Variants in HERC3 observed in about 807,000 individuals in gnomAD.
HERC3 encodes the protein HECT and RLD domain containing E3 ubiquitin protein ligase 3, also known as probable E3 ubiquitin-protein ligase HERC3.
A neutral mutation model predicts 129.9 loss-of-function variants in HERC3; 58 were observed. The observed-to-expected ratio is 0.45, with a 90% CI of 0.36 to 0.56. The LOEUF is 0.56. HERC3 is among the 20% of genes least tolerant of loss of function. The pLI is 0.00. For missense variants in HERC3, 835 were observed against 1,244.2 expected (o/e 0.67, Z 4.95); for synonymous variants, 430 against 451.0 (o/e 0.95, Z 0.59).
rs751290394 is a variant in HERC3 at position 88,655,956 on chromosome 4, G to C, written c.990G>C (p.Gly330=). ...GAGCAAGAGGTCAATTAGGAACTGG[G>C]CACACTTGTAATGTTAAGTGCCCAT... The part of the protein sequence containing the change: ...GCGARGQLGT[G]HTCNVKCPSP... Residue 330 remains glycine (G), a synonymous_variant, in exon 9 of 26, where the codon GGG becomes GGC. Transcript: ENST00000402738. The C allele has an allele frequency of 6.2e-7, 1 of 1,614,060 alleles. No homozygotes were observed. Among genetic ancestry groups the C allele is most frequent in the East Asian group, 2.2e-5 (1 of 44,876 alleles).
chr4:88,596,816 A>G (rs775183149), intron 2 of HERC3, among the ~76,000 whole-genome samples: 2 of 152,190 alleles, frequency 1.3e-5, no homozygotes, highest in Non-Finnish European at 2.9e-5. Context: ...CTCCACAATC[A>G]TTACCCGCTA....
chr4:88,655,827 T>C, intron 8 of HERC3, 48 bp from the exon 9 acceptor site: 1 of 1,567,748 alleles, frequency 6.4e-7, no homozygotes. Flanking sequence ...AGAGTGTACA[T>C]CCACATTAGT....
At chr4:88,655,571 G>C (rs1729794576) in intron 8 of HERC3, among the ~76,000 whole-genome samples, 1 of 152,168 alleles carries the variant, frequency 6.6e-6, no homozygotes, top group African/African-American at 2.4e-5. Context: ...GGAAAAGTGA[G>C]AGAGTCCCAA....
At chr4:88,697,066 TC>T in intron 23 of HERC3, 1 of 768,242 alleles carries the variant, frequency 1.3e-6, no homozygotes, top group East Asian at 2.9e-5. Context: ...TTTAATTTAA[TC>T]TATTTTAGGA....
intron 19 of HERC3, among the ~76,000 whole-genome samples, chr4:88,679,406 A>G (rs997766621): frequency 1.3e-5 from 2 of 151,430 alleles, no homozygotes; most frequent in Non-Finnish European, 2.9e-5. Flanking sequence ...ATGAAAAATC[A>G]TTTTTTTCTA....
chr4:88,583,349 T>C, the HERC3 span, among the ~76,000 whole-genome samples: 3 of 151,798 alleles, frequency 2.0e-5, no homozygotes, highest in African/African-American at 4.8e-5. Flanking sequence ...GACAGGAGAA[T>C]TGCTTGAACC....
the HERC3 span, among the ~76,000 whole-genome samples, chr4:88,531,287 C>T: frequency 6.6e-6 from 1 of 151,930 alleles, no homozygotes; most frequent in Non-Finnish European, 1.5e-5. Flanking sequence ...CTGTCCTCCC[C>T]CCTCAGCCTC....
At chr4:88,691,092 G>A (rs1482542674) in intron 23 of HERC3, among the ~76,000 whole-genome samples, 1 of 152,200 alleles carries the variant, frequency 6.6e-6, no homozygotes, top group Non-Finnish European at 1.5e-5. Context: ...AAGTAGAGAA[G>A]AGGATATAAA....
At chr4:88,675,322 T>C (rs1378755868) in intron 16 of HERC3, among the ~76,000 whole-genome samples, 2 of 152,210 alleles carry the variant, frequency 1.3e-5, no homozygotes. Flanking sequence ...TCACTACACC[T>C]GGACGATTAA....
chr4:88,561,020 T>C, the HERC3 span, among the ~76,000 whole-genome samples: 12 of 152,336 alleles, frequency 7.9e-5, no homozygotes. Context: ...GAAAGTATAA[T>C]GCCTCCAACT....
chr4:88,544,166 A>G, the HERC3 span, among the ~76,000 whole-genome samples: 1 of 152,248 alleles, frequency 6.6e-6, no homozygotes, highest in African/African-American at 2.4e-5. Context: ...TTTGCAGTCT[A>G]TCCATCTGAC....
At chr4:88,556,522 T>C in the HERC3 span, among the ~76,000 whole-genome samples, 1 of 152,210 alleles carries the variant, frequency 6.6e-6, no homozygotes, top group Non-Finnish European at 1.5e-5. Context: ...ATCACTGTGG[T>C]AACAGCTACT....
At position 88,655,730 on chromosome 4, in the gene HERC3, G is replaced by C. The variant is rs527834921; in HGVS notation, c.909-145G>C. The C allele has an allele frequency of 3.2e-5, 23 of 726,778 alleles. No individual in the cohort carries two copies. In the South Asian group the frequency reaches 4.3e-4, roughly 13 times the overall value. 45.0% of individuals were successfully genotyped at this position (726,778 alleles called of 1,614,324 possible). ...GAGGATAGTATTATGGAGAGCAGCC[G>C]CTGCAAGAAGAGTCACGTGTTAACA... is the stretch of plus-strand genomic sequence containing the variant. On this transcript the variant is annotated intron_variant, in intron 8 of 25. Coordinates refer to ENST00000402738, the MANE Select transcript of HERC3 (RefSeq NM_014606.3).
chr4:88,569,548 C>T, the HERC3 span, among the ~76,000 whole-genome samples: 1 of 152,196 alleles, frequency 6.6e-6, no homozygotes, highest in Admixed American at 6.5e-5. Context: ...CATCTTGCTC[C>T]ACCTCTATTT....
At chr4:88,547,656 TTTTG>T in the HERC3 span, among the ~76,000 whole-genome samples, 7 of 152,144 alleles carry the variant, frequency 4.6e-5, no homozygotes, top group South Asian at 2.1e-4. Flanking sequence ...GCATAAAGTT[TTTTG>T]TTTGTTTGTT....
At chr4:88,594,115 G>C (rs963790670) in intron 1 of HERC3, among the ~76,000 whole-genome samples, 3 of 152,196 alleles carry the variant, frequency 2.0e-5, no homozygotes, top group Admixed American at 2.0e-4. Flanking sequence ...CTAGCATCCA[G>C]TTCTTGTTCA....
chr4:88,561,289 G>C, the HERC3 span, among the ~76,000 whole-genome samples: 16 of 152,110 alleles, frequency 1.1e-4, no homozygotes, highest in African/African-American at 3.9e-4. Context: ...AGCATAATGG[G>C]AACCTGTGCA....
chr4:88,592,585 CG>C lies in HERC3; in HGVS notation c.-88+16del. ...TCGGCTGCTGCCGAGGTGCGCAGGG[CG>C]GGGGCCGGGGTTCCAGGGAGGGGGG... On this transcript the variant is annotated intron_variant, in intron 1 of 25. Transcript: ENST00000402738. 1 of 152,466 alleles carries C rather than the reference CG, an allele frequency of 6.6e-6. No individual in the cohort carries two copies. The highest frequency in any genetic ancestry group is 1.5e-5 in the Non-Finnish European group (1 of 68,146). 9.4% of individuals were successfully genotyped at this position (152,466 alleles called of 1,614,324 possible).
At chr4:88,690,275 G>A in intron 23 of HERC3, 1 of 979,586 alleles carries the variant, frequency 1.0e-6, no homozygotes, top group African/African-American at 1.8e-5. Flanking sequence ...ATTCCATATA[G>A]TCAGATAATG....
Sources: gnomAD v4.1 joint callset for allele counts (sites outside exome capture counted in the v4.1 genomes callset) on GRCh38, gnomAD v4.1.1 for gene constraint, MANE v1.5 for transcripts, NCBI Gene and HGNC (gene_info 2026-07-23, HGNC 2026-07-21) for gene names.